TENM2: variants seen among roughly 807,000 people sequenced by gnomAD.
TENM2 encodes teneurin transmembrane protein 2.
In TENM2, 52 loss-of-function variants were observed where a neutral mutation model predicts 245.2. The observed-to-expected ratio is 0.21, with a 90% confidence interval of 0.17 to 0.27. TENM2 has a LOEUF of 0.27. TENM2 is among the 10% of genes least tolerant of loss of function. The pLI is 1.00. For missense variants in TENM2, 3,046 were observed against 3,666.8 expected (o/e 0.83, Z 4.37); for synonymous variants, 1,363 against 1,438.9 (o/e 0.95, Z 1.19).
intron 2 of TENM2, among the ~76,000 whole-genome samples, chr5:167,562,098 T>C (rs1773629803): frequency 6.6e-6 from 1 of 152,288 alleles, no homozygotes; most frequent in South Asian, 2.1e-4. Context: ...GCAGGAGGTA[T>C]GGCAGTGAGT....
At chr5:167,522,284 A>G (rs1770810317) in intron 2 of TENM2, among the ~76,000 whole-genome samples, 1 of 152,190 alleles carries the variant, frequency 6.6e-6, no homozygotes, top group Non-Finnish European at 1.5e-5. Flanking sequence ...GGGCATGACA[A>G]TACTACCCTT....
chr5:167,218,017 C>T, the TENM2 span, among the ~76,000 whole-genome samples: 3 of 152,004 alleles, frequency 2.0e-5, no homozygotes, highest in East Asian at 1.9e-4. Flanking sequence ...GGTAAAACAT[C>T]GCACTGAGAT....
rs933845118 is a variant in TENM2, at chr5:167,505,709, A to G, written c.502+130236A>G. ...AAGGGAATATAGCAACACATAAAAT[A>G]GATACAGGCTTTGCCTCCATGGAGT... On this transcript the variant is annotated intron_variant, in intron 2 of 28. Transcript: ENST00000518659. Among the ~76,000 whole-genome samples, 104 of 152,224 alleles carry G rather than the reference A, an allele frequency of 6.8e-4. 2 individuals are homozygous for G. Among genetic ancestry groups the G allele is most frequent in the Non-Finnish European group, 3.8e-4 (26 of 68,044 alleles).
the TENM2 span, among the ~76,000 whole-genome samples, chr5:167,063,292 GAGA>G: frequency 6.6e-6 from 1 of 152,086 alleles, no homozygotes; most frequent in Admixed American, 6.6e-5. Context: ...AAGAAAAAAT[GAGA>G]AGAACATCCC....
At chr5:167,361,165 A>C (rs1170656866) in intron 1 of TENM2, among the ~76,000 whole-genome samples, 4 of 152,186 alleles carry the variant, frequency 2.6e-5, no homozygotes, top group Non-Finnish European at 5.9e-5. Context: ...ACTAGGATAG[A>C]CTTATCCAAG....
intron 2 of TENM2, among the ~76,000 whole-genome samples, chr5:167,871,619 A>G (rs934101852): frequency 2.0e-5 from 3 of 152,214 alleles, no homozygotes; most frequent in Non-Finnish European, 4.4e-5. Flanking sequence ...TATGAGTTTA[A>G]TGAAAAAGAC....
At chr5:167,875,460 C>G (rs1285669467) in intron 2 of TENM2, among the ~76,000 whole-genome samples, 2 of 152,176 alleles carry the variant, frequency 1.3e-5, no homozygotes, top group Non-Finnish European at 2.9e-5. Flanking sequence ...GTACTCAAGA[C>G]AGGTAGGTCA....
At position 168,080,182 on chromosome 5, in the gene TENM2, T is replaced by G. The variant is rs1316913150; in HGVS notation, c.1516-10392T>G. Among the ~76,000 whole-genome samples, 5 of 152,220 alleles carry G rather than the reference T, an allele frequency of 3.3e-5. No homozygotes were observed. The East Asian group carries it at 7.7e-4, about 23-fold the overall frequency. Reference sequence around the variant, plus strand: ...GGGAGGGTGTGTGTGTCGAGGAATTTATCCATTTCTTCTAGATTTTCTAGT... The same window carrying G: ...GGGAGGGTGTGTGTGTCGAGGAATTGATCCATTTCTTCTAGATTTTCTAGT... On this transcript the variant is annotated intron_variant, in intron 7 of 28. Transcript: ENST00000518659.
chr5:167,452,964 T>TTAAATATATATATATTTA (rs1554157789), intron 2 of TENM2, among the ~76,000 whole-genome samples: 7,858 of 107,870 alleles, frequency 0.073, 620 homozygotes, highest in Non-Finnish European at 0.098. Context: ...TATATATATT[T>TTAAATATATATATATTTA]AAAAAAAAAA....
At chr5:167,950,835 A>G (rs1780034915) in intron 3 of TENM2, among the ~76,000 whole-genome samples, 1 of 152,202 alleles carries the variant, frequency 6.6e-6, no homozygotes, top group South Asian at 2.1e-4. Context: ...AACTCTCCCA[A>G]AGATATATTT....
At chr5:168,058,538 G>A (rs1188648399) in intron 6 of TENM2, among the ~76,000 whole-genome samples, 1 of 152,182 alleles carries the variant, frequency 6.6e-6, no homozygotes, top group Non-Finnish European at 1.5e-5. Context: ...GGGTGGTATT[G>A]TAAAGGAAAG....
At chr5:167,429,591 TTC>T (rs200918525) in intron 2 of TENM2, among the ~76,000 whole-genome samples, 20,730 of 133,412 alleles carry the variant, frequency 0.16, 2,139 homozygotes, top group Middle Eastern at 0.2. Flanking sequence ...GAAATTCTCT[TTC>T]TCTCTCTCTC....
At chr5:166,998,403 TC>T in the TENM2 span, among the ~76,000 whole-genome samples, 1 of 152,152 alleles carries the variant, frequency 6.6e-6, no homozygotes, top group Non-Finnish European at 1.5e-5. Context: ...ATGATCATCT[TC>T]CCTCCAATGT....
chr5:167,393,361 C>T (rs1184428933), intron 2 of TENM2, among the ~76,000 whole-genome samples: 1 of 151,844 alleles, frequency 6.6e-6, no homozygotes, highest in African/African-American at 2.4e-5. Flanking sequence ...GTCGGAGGGC[C>T]AAGGAAAACT....
intron 2 of TENM2, among the ~76,000 whole-genome samples, chr5:167,378,382 T>TC (rs1760894789): frequency 4.0e-5 from 6 of 151,064 alleles, no homozygotes; most frequent in East Asian, 1.9e-4. Flanking sequence ...CTTCTTCTTT[T>TC]TTTTTTTTTT....
chr5:167,152,688 T>C, the TENM2 span, among the ~76,000 whole-genome samples: 2 of 152,148 alleles, frequency 1.3e-5, no homozygotes, highest in East Asian at 1.9e-4. Context: ...TGAAAGTGGC[T>C]TTCAACCTCA....
chr5:167,494,951 A>C (rs1768708506), intron 2 of TENM2, among the ~76,000 whole-genome samples: 1 of 152,076 alleles, frequency 6.6e-6, no homozygotes, highest in Non-Finnish European at 1.5e-5. Flanking sequence ...AAATTTATGA[A>C]CTGTAGTTAG....
the TENM2 span, among the ~76,000 whole-genome samples, chr5:167,165,868 A>G: frequency 6.6e-6 from 1 of 152,304 alleles, no homozygotes; most frequent in Middle Eastern, 3.4e-3. Context: ...AAGTCTACCA[A>G]TTTGGGAGGA....
At chr5:167,368,971 C>G (rs1166878694) in intron 1 of TENM2, among the ~76,000 whole-genome samples, 1 of 152,106 alleles carries the variant, frequency 6.6e-6, no homozygotes, top group Admixed American at 6.5e-5. Flanking sequence ...TCCGGGATCC[C>G]CGCGCTGGTC....
Sources: allele counts gnomAD v4.1 joint callset (sites outside exome capture counted in the v4.1 genomes callset), GRCh38; gene constraint gnomAD v4.1.1; transcripts MANE v1.5; gene names NCBI Gene and HGNC (gene_info 2026-07-23, HGNC 2026-07-21).